The following SYT7 variants were observed in gnomAD, a reference collection of about 807,000 sequenced individuals.
SYT7 encodes synaptotagmin-7.
A neutral mutation model predicts 75.1 loss-of-function variants in SYT7; 29 were observed. The ratio of observed to expected loss-of-function variants is 0.39; its 90% confidence interval spans 0.29 to 0.53. The LOEUF is 0.53. Ranked by LOEUF, SYT7 falls within the 20% of genes least tolerant of loss-of-function variation. The pLI, the probability that SYT7 is intolerant of heterozygous loss-of-function variation, is 0.77. For synonymous variants in SYT7, 376 were observed against 401.7 expected, an observed-to-expected ratio of 0.94 and a Z score of 0.76; for missense variants, 693 against 953.2, an observed-to-expected ratio of 0.73 and a Z score of 3.59.
upstream of SYT7, among the ~76,000 whole-genome samples, chr11:61,584,983 C>T (rs2064356318): frequency 6.6e-6 from 1 of 152,210 alleles, no homozygotes; most frequent in Admixed American, 6.5e-5. Context: ...ACCTGATTCC[C>T]CAAGGACTGC....
At chr11:61,586,301 G>C in the SYT7 span, among the ~76,000 whole-genome samples, 1 of 152,214 alleles carries the variant, frequency 6.6e-6, no homozygotes, top group Non-Finnish European at 1.5e-5. Flanking sequence ...ACAGCCCCAG[G>C]CTTGGGCAGA....
At chr11:61,565,218 G>C (rs2063737374) in intron 1 of SYT7, among the ~76,000 whole-genome samples, 1 of 152,120 alleles carries the variant, frequency 6.6e-6, no homozygotes, top group South Asian at 2.1e-4. Context: ...GGTTTCCATA[G>C]GAAGCACCCT....
chr11:61,577,663 G>C (rs745578836), intron 1 of SYT7, among the ~76,000 whole-genome samples: 7 of 152,204 alleles, frequency 4.6e-5, no homozygotes, highest in Non-Finnish European at 1.0e-4. Flanking sequence ...TGCCCTGCAT[G>C]CTCCCAAGTC....
At chr11:61,570,059 C>T (rs762098229) in intron 1 of SYT7, among the ~76,000 whole-genome samples, 1 of 152,242 alleles carries the variant, frequency 6.6e-6, no homozygotes, top group Non-Finnish European at 1.5e-5. Flanking sequence ...CACAGCAACA[C>T]GACCAGGAAC....
chr11:61,565,556 C>T (rs1052554781), intron 1 of SYT7, among the ~76,000 whole-genome samples: 1 of 152,212 alleles, frequency 6.6e-6, no homozygotes, highest in African/African-American at 2.4e-5. Flanking sequence ...ACAGGGCCAG[C>T]TCTTCTCTTG....
intron 2 of SYT7, among the ~76,000 whole-genome samples, chr11:61,552,452 G>GCACA (rs150416838): frequency 3.5e-5 from 5 of 143,966 alleles, no homozygotes; most frequent in South Asian, 2.1e-4. Flanking sequence ...CTCCCCGGCT[G>GCACA]CACACACACA....
Position 61,580,910 on chromosome 11 carries a change from C to A in SYT7, c.-90G>T, listed in dbSNP as rs1447303822. On this transcript the variant is annotated 5_prime_UTR_variant, in exon 1 of 13. Coordinates refer to ENST00000539008, the MANE Select transcript of SYT7 (RefSeq NM_001365809.2). The surrounding 1 kb of genome is among the most constrained non-coding windows in gnomAD (Gnocchi z 6.1). ...CGCCGCCGCTGGGCATGGGGCCGGG[C>A]GACCCCCGGGGGCGGGTCCGAGGGC... The A allele has an allele frequency of 5.6e-6, 6 of 1,080,312 alleles. No homozygotes were observed. Among genetic ancestry groups the A allele is most frequent in the Non-Finnish European group, 6.7e-6 (6 of 892,130 alleles). The allele number at this position is 1,080,312 out of a possible 1,614,324, so 66.9% of individuals were successfully genotyped here.
chr11:61,584,376 C>T (rs1233701853), upstream of SYT7, among the ~76,000 whole-genome samples: 1 of 126,776 alleles, frequency 7.9e-6, no homozygotes, highest in Non-Finnish European at 1.6e-5. Context: ...GCCTGGGTGA[C>T]AGAATGAGAC....
At chr11:61,535,572 G>A (rs1409613644) in intron 7 of SYT7, among the ~76,000 whole-genome samples, 1 of 152,182 alleles carries the variant, frequency 6.6e-6, no homozygotes, top group Non-Finnish European at 1.5e-5. Flanking sequence ...GTGTGGTGCC[G>A]AGGCCCAGGA....
Position 61,517,645 on chromosome 11 carries a change from C to CG in SYT7, c.*981dup, listed in dbSNP as rs559929641. ...CTGCGTATGAGGTGTGGGAAGCTGG[C>CG]GGGGGGTCTTTTGATGAAGGAGTTA... On this transcript the variant is annotated 3_prime_UTR_variant, in exon 13 of 13. Transcript: ENST00000539008. 4.5e-5 allele frequency: 18 copies of CG among 398,510 alleles called. 1 individual carries two copies. The South Asian group carries it at 1.0e-3, about 23-fold the overall frequency. The allele number at this position is 398,510 out of a possible 1,614,324, so 24.7% of individuals were successfully genotyped here.
chr11:61,520,369 CA>C (rs909512776), intron 12 of SYT7, among the ~76,000 whole-genome samples: 1 of 151,620 alleles, frequency 6.6e-6, no homozygotes, highest in Non-Finnish European at 1.5e-5. Context: ...ACAAAAAATA[CA>C]AAAAAATTAG....
At chr11:61,562,094 A>C (rs1307405108) in intron 1 of SYT7, among the ~76,000 whole-genome samples, 1 of 151,928 alleles carries the variant, frequency 6.6e-6, no homozygotes, top group Non-Finnish European at 1.5e-5. Context: ...ACACACATAC[A>C]CTAGGACCCC....
chr11:61,586,686 C>G, the SYT7 span, among the ~76,000 whole-genome samples: 2 of 152,138 alleles, frequency 1.3e-5, no homozygotes, highest in Non-Finnish European at 2.9e-5. Context: ...AGATGAAAAG[C>G]CCCTGGCCCA....
chr11:61,551,571 G>T lies in SYT7; in HGVS notation c.136-108C>A. 1 of 1,131,362 alleles carries T rather than the reference G, an allele frequency of 8.8e-7. No homozygotes were observed. Among genetic ancestry groups the T allele is most frequent in the Non-Finnish European group, 1.3e-6 (1 of 769,788 alleles). The allele number at this position is 1,131,362 out of a possible 1,614,324, so 70.1% of individuals were successfully genotyped here. A position where few individuals can be genotyped will look rare whatever the true frequency, so the allele number is the denominator to read the frequency against. ...GGAGATAGACTGGAGTCGGGCCGTGGCAACAAGGCCAGGACCAGTGTGCGA... is the reference window on the plus strand; with the variant it reads ...GGAGATAGACTGGAGTCGGGCCGTGTCAACAAGGCCAGGACCAGTGTGCGA... On this transcript the variant is annotated intron_variant, in intron 2 of 12. Coordinates refer to ENST00000539008, the MANE Select transcript of SYT7 (RefSeq NM_001365809.2). The surrounding 1 kb of genome is among the most constrained non-coding windows in gnomAD (Gnocchi z 5.3).
upstream of SYT7, among the ~76,000 whole-genome samples, chr11:61,581,546 C>T (rs948849680): frequency 6.6e-6 from 1 of 152,234 alleles, no homozygotes; most frequent in Non-Finnish European, 1.5e-5. Flanking sequence ...GACTCAACAC[C>T]GCGGCGGTCC....
intron 1 of SYT7, among the ~76,000 whole-genome samples, chr11:61,578,735 T>G (rs976506505): frequency 6.6e-6 from 1 of 152,164 alleles, no homozygotes; most frequent in Admixed American, 6.5e-5. Context: ...AAAGGCAGAC[T>G]GTGCCCTCTC....
rs1330184482 is a variant in SYT7, at chr11:61,542,561, C to G, written c.591G>C (p.Leu197=). 6.6e-7 allele frequency: 1 copy of G among 1,513,954 alleles called. No homozygotes were observed. Among genetic ancestry groups the G allele is most frequent in the East Asian group, 2.5e-5 (1 of 39,830 alleles). The allele number at this position is 1,513,954 out of a possible 1,614,324, so 93.8% of individuals were successfully genotyped here. A position where few individuals can be genotyped will look rare whatever the true frequency, so the allele number is the denominator to read the frequency against. The change falls in exon 6 of 13, where the codon CTG becomes CTC. Residue 197 remains leucine (L), a synonymous_variant. Transcript: ENST00000539008. This position sits in a 1 kb window ranked among gnomAD's most constrained non-coding sequence, Gnocchi z 7.8. The part of the protein sequence containing the change: ...LNLSNFEDST[L]STATTLESIP... ...TAGACTCAAGGGTAGTGGCCGTGGA[C>G]AGGGTGGAGTCCTCGAAACTTGGGG...
intron 6 of SYT7, among the ~76,000 whole-genome samples, chr11:61,541,990 G>A (rs2063055876): frequency 6.6e-6 from 1 of 152,164 alleles, no homozygotes; most frequent in Non-Finnish European, 1.5e-5. Context: ...GAGCACTGAG[G>A]GGCAGGGGTC....
chr11:61,587,267 G>T, the SYT7 span, among the ~76,000 whole-genome samples: 51 of 152,290 alleles, frequency 3.3e-4, no homozygotes, highest in South Asian at 8.9e-3. Flanking sequence ...CTGGTAGAGC[G>T]GTCAAGCCCC....
Sources: allele counts gnomAD v4.1 joint callset (sites outside exome capture counted in the v4.1 genomes callset), GRCh38; gene constraint gnomAD v4.1.1; non-coding constraint Gnocchi (gnomAD v3.1); transcripts MANE v1.5; gene names NCBI Gene and HGNC (gene_info 2026-07-23, HGNC 2026-07-21).